The following ATF2 variants were observed in gnomAD, a reference collection of about 807,000 sequenced individuals.
The protein encoded by ATF2 is activating transcription factor 2, also known as cyclic AMP-dependent transcription factor ATF-2.
In ATF2, 24 loss-of-function variants were observed where a neutral mutation model predicts 60.6. The observed-to-expected ratio is 0.40, with a 90% CI of 0.29 to 0.56. The LOEUF is 0.56. ATF2 is among the 20% of genes least tolerant of loss of function. The probability of loss-of-function intolerance (pLI) is 0.54; values close to 1 mark genes in which losing one functional copy is unlikely to be tolerated. For synonymous variants in ATF2, 206 were observed against 215.4 expected, an observed-to-expected ratio of 0.96 and a Z score of 0.38; for missense variants, 433 against 607.7, an observed-to-expected ratio of 0.71 and a Z score of 3.02.
chr2:175,155,926 T>A (rs956689856), intron 1 of ATF2, among the ~76,000 whole-genome samples: 2 of 152,192 alleles, frequency 1.3e-5, no homozygotes, highest in African/African-American at 4.8e-5. Flanking sequence ...CTTTAAAATG[T>A]ACAAGGGTAG....
chr2:175,094,673 A>C (rs1694797768), intron 11 of ATF2, among the ~76,000 whole-genome samples: 1 of 152,234 alleles, frequency 6.6e-6, no homozygotes, highest in African/African-American at 2.4e-5. Context: ...ATTCCAAAAA[A>C]TAAAGTTATC....
intron 13 of ATF2, among the ~76,000 whole-genome samples, chr2:175,075,627 C>A (rs1693238420): frequency 6.6e-6 from 1 of 150,982 alleles, no homozygotes; most frequent in Non-Finnish European, 1.5e-5. Context: ...ATATAGATAA[C>A]ACACAAATAT....
At chr2:175,094,774 T>G (rs1694807126) in intron 11 of ATF2, among the ~76,000 whole-genome samples, 3 of 152,120 alleles carry the variant, frequency 2.0e-5, no homozygotes, top group Admixed American at 2.0e-4. Context: ...ACCTCATCTC[T>G]ACAAATAATT....
chr2:175,159,363 G>A (rs1699881399), intron 1 of ATF2, among the ~76,000 whole-genome samples: 1 of 151,878 alleles, frequency 6.6e-6, no homozygotes, highest in African/African-American at 2.4e-5. Flanking sequence ...CCATGATTCT[G>A]ATGCTATCTG....
Position 175,165,916 on chromosome 2 carries a change from G to A in ATF2, c.-143+2134C>T, listed in dbSNP as rs562482928. Among the ~76,000 whole-genome samples, 26 of 152,158 alleles carry A rather than the reference G, an allele frequency of 1.7e-4. 1 individual carries two copies. In the South Asian group the frequency reaches 4.1e-3, roughly 24 times the overall value. ...CCTCACCTCATGATCCGCCCCACTC[G>A]GCCTCACGAAGTGCTGGCATTACAG... is the stretch of plus-strand genomic sequence containing the variant. On this transcript the variant is annotated intron_variant, in intron 1 of 13. Transcript: ENST00000264110.
At chr2:175,164,469 G>T (rs1574523787) in intron 1 of ATF2, among the ~76,000 whole-genome samples, 3 of 152,160 alleles carry the variant, frequency 2.0e-5, no homozygotes, top group Admixed American at 6.5e-5. Context: ...GGGAGGTGGA[G>T]ATTGCAGTGA....
chr2:175,156,353 A>G (rs970020382), intron 1 of ATF2, among the ~76,000 whole-genome samples: 4 of 141,974 alleles, frequency 2.8e-5, no homozygotes, highest in African/African-American at 1.1e-4. Context: ...CCTGGGTGAC[A>G]GAGCAAGACT....
intron 13 of ATF2, 95 bp from the exon 14 acceptor site, chr2:175,074,930 A>G (rs1463104681): frequency 1.9e-6 from 3 of 1,546,898 alleles, no homozygotes; most frequent in Non-Finnish European, 2.6e-6. Flanking sequence ...GTTAGAAAGT[A>G]TCTTACAAAA....
intron 6 of ATF2, 55 bp from the exon 7 acceptor site, chr2:175,118,173 T>C: frequency 6.3e-7 from 1 of 1,595,358 alleles, no homozygotes; most frequent in Non-Finnish European, 8.5e-7. Flanking sequence ...TGTGTCTAAA[T>C]TTAAAAAGCA....
rs535537640 is a variant in ATF2 at position 175,101,936 on chromosome 2, C to T, written c.829-4343G>A. ...TAAAACTACAACAAAAATGCACACA[C>T]GCTAAAAAAATTAGACTTAGGTCAA... On this transcript the variant is annotated intron_variant, in intron 10 of 13. Coordinates refer to ENST00000264110, the MANE Select transcript of ATF2 (RefSeq NM_001880.4). Among the ~76,000 whole-genome samples the T allele has an allele frequency of 7.9e-5, 12 of 152,158 alleles. 1 individual carries two copies. The South Asian group carries it at 2.3e-3, about 29-fold the overall frequency.
intron 10 of ATF2, among the ~76,000 whole-genome samples, chr2:175,108,547 G>T (rs1695916077): frequency 6.7e-6 from 1 of 149,854 alleles, no homozygotes; most frequent in Admixed American, 6.6e-5. Context: ...GCCCCATCCG[G>T]GAGGGAGGTG....
intron 12 of ATF2, among the ~76,000 whole-genome samples, chr2:175,084,881 T>C (rs1473178434): frequency 6.6e-6 from 1 of 152,102 alleles, no homozygotes; most frequent in African/African-American, 2.4e-5. Flanking sequence ...CATTGCCTGA[T>C]ATGGACTGAG....
At chr2:175,143,685 T>TA (rs987126072) in intron 2 of ATF2, among the ~76,000 whole-genome samples, 40 of 152,028 alleles carry the variant, frequency 2.6e-4, no homozygotes, top group Middle Eastern at 3.2e-3. Flanking sequence ...GTCATATTAG[T>TA]AAAAAAAACT....
rs375555881 is a variant in ATF2 at position 175,118,144 on chromosome 2, G to A, written c.319-26C>T. On this transcript the variant is annotated intron_variant, in intron 6 of 13. Transcript: ENST00000264110. The stretch of plus-strand genomic sequence containing the variant: ...CTATAATTCAAATAATAAGGAAAAG[G>A]TTATAAGTTCAAAAACAGTGTGTCT... 6.4e-5 allele frequency: 102 copies of A among 1,604,632 alleles called. No homozygotes were observed. In the African/African-American group the frequency reaches 1.3e-3, roughly 20 times the overall value.
intron 12 of ATF2, among the ~76,000 whole-genome samples, chr2:175,085,160 C>A (rs13011770): frequency 6.6e-6 from 1 of 152,040 alleles, no homozygotes; most frequent in African/African-American, 2.4e-5. Context: ...CATAATAAAC[C>A]GTATTATGTA....
chr2:175,109,168 T>TAAAAAAAAAAAAAAAAAAAAAAAAA (rs66812318), intron 10 of ATF2, among the ~76,000 whole-genome samples: 1 of 82,608 alleles, frequency 1.2e-5, no homozygotes, highest in Admixed American at 1.6e-4. Context: ...GAATGATCAA[T>TAAAAAAAAAAAAAAAAAAAAAAAAA]AAAAAAAAAA....
intron 13 of ATF2, 52 bp from the exon 14 acceptor site, chr2:175,074,887 A>G (rs1280613876): frequency 6.2e-7 from 1 of 1,602,026 alleles, no homozygotes; most frequent in Non-Finnish European, 8.5e-7. Flanking sequence ...GTAAGAATGC[A>G]CCAGTATGCT....
intron 1 of ATF2, among the ~76,000 whole-genome samples, chr2:175,154,380 G>A (rs1434590046): frequency 6.6e-6 from 1 of 151,744 alleles, no homozygotes; most frequent in Non-Finnish European, 1.5e-5. Context: ...TAGGTCTTCA[G>A]GGGCAATAAC....
chr2:175,091,989 A>C (rs1051193819), intron 12 of ATF2, among the ~76,000 whole-genome samples: 4 of 152,248 alleles, frequency 2.6e-5, no homozygotes, highest in African/African-American at 9.6e-5. Context: ...CTTCTAAATC[A>C]TTAAAATAAA....
Sources: allele counts gnomAD v4.1 joint callset (sites outside exome capture counted in the v4.1 genomes callset), GRCh38; gene constraint gnomAD v4.1.1; transcripts MANE v1.5; gene names NCBI Gene and HGNC (gene_info 2026-07-23, HGNC 2026-07-21).